NHSL2: variants seen among roughly 807,000 people sequenced by gnomAD.
NHSL2 encodes NHS like 2.
A neutral mutation model predicts 53.4 loss-of-function variants in NHSL2; 27 were observed. The observed-to-expected ratio is 0.51, with a 90% confidence interval of 0.37 to 0.70. NHSL2 has a LOEUF of 0.70. Ranked by LOEUF, NHSL2 falls within the 30% of genes least tolerant of loss-of-function variation. The pLI is 0.00. For missense variants in NHSL2, 892 were observed against 980.1 expected (o/e 0.91, Z 1.20); for synonymous variants, 408 against 404.1 (o/e 1.01, Z -0.12).
chrX:72,143,764 C>T lies in NHSL2; in HGVS notation c.*190C>T, dbSNP rs2042438931. 1 of 372,894 alleles carries T rather than the reference C, an allele frequency of 2.7e-6. No individual in the cohort carries two copies. The highest frequency in any genetic ancestry group is 4.4e-5 in the East Asian group (1 of 22,692). 30.7% of individuals were successfully genotyped at this position (372,894 alleles called of 1,213,427 possible). A position where few individuals can be genotyped will look rare whatever the true frequency, so the allele number is the denominator to read the frequency against. ...CATCTGGCACTTAATCATCTTCAGA[C>T]ATTTTTATGTTTTCATACTTATAAG... On this transcript the variant is annotated 3_prime_UTR_variant, in exon 8 of 8. Coordinates refer to ENST00000633930, the MANE Select transcript of NHSL2 (RefSeq NM_001013627.3).
chrX:71,994,681 A>G (rs1199844551), intron 1 of NHSL2, among the ~76,000 whole-genome samples: 1 of 111,890 alleles, frequency 8.9e-6, no homozygotes, highest in Non-Finnish European at 1.9e-5. Context: ...TCTGAAGGCA[A>G]TGGGGAGCCA....
At chrX:71,933,108 A>T (rs952941391) in intron 1 of NHSL2, among the ~76,000 whole-genome samples, 52 of 112,159 alleles carry the variant, frequency 4.6e-4, no homozygotes, top group African/African-American at 1.4e-3. Flanking sequence ...TACAGAATTC[A>T]TCTCTACAGC....
intron 1 of NHSL2, among the ~76,000 whole-genome samples, chrX:72,082,159 A>G (rs772917387): frequency 3.6e-5 from 4 of 112,073 alleles, no homozygotes; most frequent in Non-Finnish European, 7.5e-5. Context: ...CCAGGTGAGC[A>G]CAAGAATAGG....
intron 1 of NHSL2, among the ~76,000 whole-genome samples, chrX:72,084,992 ATGTGATGTGTACC>A (rs2041824440): frequency 2.7e-5 from 3 of 112,295 alleles, no homozygotes; most frequent in Non-Finnish European, 5.6e-5. Flanking sequence ...GCAGTAAGTG[ATGTGATGTGTACC>A]TGTGATGTGT....
In NHSL2 at chrX:72,139,703, T is replaced by C; in HGVS notation, c.2155T>C (p.Ser719Pro). 1 of 1,210,506 alleles carries C rather than the reference T, an allele frequency of 8.3e-7. No individual in the cohort carries two copies. The highest frequency in any genetic ancestry group is 1.1e-6 in the Non-Finnish European group (1 of 894,757). ...MSPSSGYSSQSETPTPTVSMS... is the reference protein window; with the variant it reads ...MSPSSGYSSQPETPTPTVSMS... ...ACCCTCCAGTGGCTACTCCAGCCAG[T>C]CGGAAACACCAACACCCACTGTTTC... Residue 719 changes from serine to proline, a missense_variant, in exon 6 of 8, where the codon TCG becomes CCG. Ser to Pro is a moderately conservative substitution (Grantham distance 74). Coordinates refer to ENST00000633930, the MANE Select transcript of NHSL2 (RefSeq NM_001013627.3).
At chrX:71,948,479 G>GT (rs2041803892) in intron 1 of NHSL2, among the ~76,000 whole-genome samples, 1 of 111,814 alleles carries the variant, frequency 8.9e-6, no homozygotes, top group Admixed American at 9.5e-5. Flanking sequence ...TAGGTCTGCA[G>GT]TTCCCAAATG....
chrX:72,088,451 A>G lies in NHSL2; in HGVS notation c.281-43628A>G, dbSNP rs144738256. Among the ~76,000 whole-genome samples, 313 of 112,506 alleles carry G rather than the reference A, an allele frequency of 2.8e-3. 2 individuals carry two copies. The highest frequency in any genetic ancestry group is 9.8e-3 in the African/African-American group (305 of 31,002). ...ACAGCTGCATGGATGGTGCTCTCAC[A>G]TGCTCCTAAAAGGGTATCAGTGATA... is the stretch of plus-strand genomic sequence containing the variant. On this transcript the variant is annotated intron_variant, in intron 1 of 7. Coordinates refer to ENST00000633930, the MANE Select transcript of NHSL2 (RefSeq NM_001013627.3).
intron 1 of NHSL2, among the ~76,000 whole-genome samples, chrX:72,124,497 A>C (rs896809932): frequency 8.9e-6 from 1 of 111,960 alleles, no homozygotes; most frequent in Non-Finnish European, 1.9e-5. Flanking sequence ...CAAACTGGCC[A>C]TTAAATGTCA....
intron 1 of NHSL2, among the ~76,000 whole-genome samples, chrX:72,021,912 G>C (rs2042162273): frequency 8.9e-6 from 1 of 111,894 alleles, no homozygotes; most frequent in South Asian, 3.7e-4. Context: ...GGCATGTGGA[G>C]GTGCTAGACC....
intron 6 of NHSL2, 26 bp downstream of exon 6, chrX:72,140,797 T>C: frequency 1.8e-6 from 2 of 1,118,432 alleles, no homozygotes; most frequent in Non-Finnish European, 2.4e-6. Context: ...GCTGGCTTTT[T>C]CCTTCAGTCA....
At chrX:71,998,091 T>C (rs1013714972) in intron 1 of NHSL2, among the ~76,000 whole-genome samples, 1 of 111,952 alleles carries the variant, frequency 8.9e-6, no homozygotes, top group South Asian at 3.7e-4. Flanking sequence ...GGAGTACAGC[T>C]GTCAAATATT....
rs1370150255 is a variant in NHSL2, at chrX:72,131,195, C to G, written c.281-884C>G. On this transcript the variant is annotated intron_variant, in intron 1 of 7. Transcript: ENST00000633930. ...GGCAGCAGAGGGGGGTCAGCGGGCC[C>G]GTCGGGGGTGCTGCGATCCTGGATC... 3.3e-6 allele frequency: 4 copies of G among 1,194,240 alleles called. No homozygotes were observed. The Admixed American group carries it at 6.7e-5, about 20-fold the overall frequency.
chrX:72,038,580 A>G (rs1367754496), intron 1 of NHSL2, among the ~76,000 whole-genome samples: 1 of 112,050 alleles, frequency 8.9e-6, no homozygotes, highest in African/African-American at 3.3e-5. Flanking sequence ...ACATACATAT[A>G]CATCTATAAA....
rs1464952915 is a variant in NHSL2, at chrX:72,147,596, G to T, written c.*4022G>T. 1 of 111,817 alleles carries T rather than the reference G, an allele frequency of 8.9e-6. No homozygotes were observed. Among genetic ancestry groups the T allele is most frequent in the Non-Finnish European group, 1.9e-5 (1 of 53,158 alleles). 9.2% of individuals were successfully genotyped at this position (111,817 alleles called of 1,213,427 possible). ...GTTGATTTCTAAGTAATATGCTCCA[G>T]GTGGCAAGTTAACACCCATTTCAGC... On this transcript the variant is annotated 3_prime_UTR_variant, in exon 8 of 8. Coordinates refer to ENST00000633930, the MANE Select transcript of NHSL2 (RefSeq NM_001013627.3).
intron 1 of NHSL2, among the ~76,000 whole-genome samples, chrX:71,993,032 G>T (rs1006302391): frequency 8.9e-6 from 1 of 112,462 alleles, no homozygotes; most frequent in African/African-American, 3.2e-5. Context: ...AAGCCAGAGA[G>T]CCCCAGTGTC....
intron 1 of NHSL2, among the ~76,000 whole-genome samples, chrX:71,933,924 G>C (rs903863592): frequency 3.6e-5 from 4 of 111,351 alleles, no homozygotes; most frequent in Non-Finnish European, 7.5e-5. Context: ...ACAACAGCTG[G>C]ACTCTGCATT....
chrX:72,108,096 G>A (rs2042061009), intron 1 of NHSL2, among the ~76,000 whole-genome samples: 1 of 111,725 alleles, frequency 9.0e-6, no homozygotes, highest in Admixed American at 9.4e-5. Context: ...GCCAGTGAGT[G>A]GGAGAAGGAA....
chrX:71,936,041 G>A (rs1016844437), intron 1 of NHSL2, among the ~76,000 whole-genome samples: 2 of 112,089 alleles, frequency 1.8e-5, no homozygotes, highest in Non-Finnish European at 3.8e-5. Context: ...GCACACACAG[G>A]TAAAGTTACA....
intron 1 of NHSL2, among the ~76,000 whole-genome samples, chrX:71,986,842 G>A (rs1044353285): frequency 1.8e-4 from 20 of 111,528 alleles, no homozygotes; most frequent in East Asian, 8.4e-4. Context: ...TAATTTGAGC[G>A]AATATGTTCA....
Sources: allele counts gnomAD v4.1 joint callset (sites outside exome capture counted in the v4.1 genomes callset), GRCh38; gene constraint gnomAD v4.1.1; transcripts MANE v1.5; gene names NCBI Gene and HGNC (gene_info 2026-07-23, HGNC 2026-07-21).